Variants in SIK3 observed in about 807,000 individuals in gnomAD.
SIK3 encodes serine/threonine-protein kinase SIK3.
SIK3 carries 28 observed loss-of-function variants against 144.2 expected under a neutral mutation model. That is an observed-to-expected ratio of 0.19 (90% CI 0.14 to 0.27). The LOEUF is 0.27. SIK3 is among the 10% of genes least tolerant of loss of function. The pLI is 1.00. For synonymous variants in SIK3, 686 were observed against 676.3 expected (o/e 1.01, Z -0.22); for missense variants, 1,319 against 1,776.0 (o/e 0.74, Z 4.62).
chr11:116,862,121 G>T, intron 17 of SIK3, 81 bp downstream of exon 17: 2 of 1,592,912 alleles, frequency 1.3e-6, no homozygotes, highest in Non-Finnish European at 1.7e-6. Flanking sequence ...TGCACTGAGT[G>T]GTCTCCTCCA....
chr11:117,070,952 C>T (rs1954250702), intron 1 of SIK3, among the ~76,000 whole-genome samples: 1 of 151,892 alleles, frequency 6.6e-6, no homozygotes, highest in Admixed American at 6.6e-5. Context: ...CGGGGTTTCA[C>T]CATGTTGGCC....
chr11:116,875,047 A>T, intron 11 of SIK3, 111 bp downstream of exon 11: 1 of 780,536 alleles, frequency 1.3e-6, no homozygotes, highest in South Asian at 1.6e-5. Context: ...CCACTGGATT[A>T]GATCTCCTCT....
intron 1 of SIK3, among the ~76,000 whole-genome samples, chr11:116,971,096 T>C (rs1304205230): frequency 6.6e-6 from 1 of 152,262 alleles, no homozygotes; most frequent in South Asian, 2.1e-4. Flanking sequence ...CACCACTGTT[T>C]GCCCAGAAAA....
chr11:116,957,326 T>C (rs532332799), intron 1 of SIK3, among the ~76,000 whole-genome samples: 1 of 152,288 alleles, frequency 6.6e-6, no homozygotes, highest in African/African-American at 2.4e-5. Context: ...TAAAATCCTA[T>C]GAAAAAATAC....
chr11:116,988,134 T>C (rs1013678482), intron 1 of SIK3, among the ~76,000 whole-genome samples: 1 of 152,220 alleles, frequency 6.6e-6, no homozygotes, highest in Admixed American at 6.5e-5. Context: ...CAGTAACGCC[T>C]GTAATCTCAG....
intron 3 of SIK3, among the ~76,000 whole-genome samples, chr11:116,939,437 A>G (rs995934958): frequency 1.3e-5 from 2 of 152,212 alleles, no homozygotes; most frequent in Non-Finnish European, 2.9e-5. Context: ...TGAGCCACCA[A>G]GCCCGGCCTT....
At chr11:116,991,223 G>A (rs1002947836) in intron 1 of SIK3, among the ~76,000 whole-genome samples, 27 of 152,246 alleles carry the variant, frequency 1.8e-4, no homozygotes, top group African/African-American at 6.0e-4. Context: ...CAAGGTGGGC[G>A]GATCCAAGGT....
At chr11:117,010,469 C>T (rs1951209367) in intron 1 of SIK3, among the ~76,000 whole-genome samples, 1 of 152,014 alleles carries the variant, frequency 6.6e-6, no homozygotes, top group South Asian at 2.1e-4. Flanking sequence ...CAGTACAAGG[C>T]CTGCTGAGGG....
At chr11:116,989,240 T>C (rs1486132079) in intron 1 of SIK3, among the ~76,000 whole-genome samples, 1 of 152,198 alleles carries the variant, frequency 6.6e-6, no homozygotes, top group African/African-American at 2.4e-5. Context: ...AGATGATATG[T>C]GTTTCCAAGC....
At chr11:117,050,682 C>T (rs1280935493) in intron 1 of SIK3, among the ~76,000 whole-genome samples, 1 of 151,424 alleles carries the variant, frequency 6.6e-6, no homozygotes, top group African/African-American at 2.4e-5. Context: ...AGTGAGACTT[C>T]ATCTCAAAAA....
intron 5 of SIK3, 108 bp downstream of exon 5, chr11:116,897,085 C>T: frequency 8.6e-7 from 1 of 1,156,372 alleles, no homozygotes; most frequent in Non-Finnish European, 1.2e-6. Context: ...AACAGGTGAC[C>T]AGGATCTCAA....
chr11:116,915,765 C>T (rs1006025215), intron 4 of SIK3, among the ~76,000 whole-genome samples: 3 of 152,130 alleles, frequency 2.0e-5, no homozygotes, highest in African/African-American at 7.2e-5. Flanking sequence ...TGAGGCATTA[C>T]AGAATTATCA....
At chr11:117,058,776 G>A (rs1013664850) in intron 1 of SIK3, among the ~76,000 whole-genome samples, 3 of 152,120 alleles carry the variant, frequency 2.0e-5, no homozygotes, top group Admixed American at 6.6e-5. Context: ...GCACAGATGA[G>A]GCTAAAACCC....
At chr11:117,087,885 A>C (rs574615407) in intron 1 of SIK3, among the ~76,000 whole-genome samples, 1 of 151,834 alleles carries the variant, frequency 6.6e-6, no homozygotes, top group African/African-American at 2.4e-5. Flanking sequence ...AAAAACTAGA[A>C]ATAAAATTAT....
Position 116,931,553 on chromosome 11 carries a change from C to T in SIK3, c.455-4173G>A, listed in dbSNP as rs183812880. On this transcript the variant is annotated intron_variant, in intron 3 of 24. Coordinates refer to ENST00000445177, the MANE Select transcript of SIK3 (RefSeq NM_001366686.3). ...CTAGCTGAAAATGAACATACCCTGACAGCAGGACAAGCAATAGGCAGAAAT... is the reference window on the plus strand; with the variant it reads ...CTAGCTGAAAATGAACATACCCTGATAGCAGGACAAGCAATAGGCAGAAAT... Among the ~76,000 whole-genome samples the T allele has an allele frequency of 3.6e-3, 541 of 152,292 alleles. 7 individuals are homozygous for T. The highest frequency in any genetic ancestry group is 0.033 in the Admixed American group (503 of 15,298).
At chr11:117,092,197 C>T (rs1955279760) in intron 1 of SIK3, among the ~76,000 whole-genome samples, 1 of 152,156 alleles carries the variant, frequency 6.6e-6, no homozygotes, top group African/African-American at 2.4e-5. Flanking sequence ...GATGATCTGG[C>T]CCCTCCTACA....
intron 22 of SIK3, 151 bp downstream of exon 22, chr11:116,848,969 G>T: frequency 2.2e-6 from 2 of 917,942 alleles, no homozygotes; most frequent in African/African-American, 3.4e-5. Context: ...TCTCAAAAAA[G>T]AAAAAAAAAG....
At chr11:117,001,517 A>T (rs1343981789) in intron 1 of SIK3, among the ~76,000 whole-genome samples, 3 of 151,268 alleles carry the variant, frequency 2.0e-5, no homozygotes, top group East Asian at 1.9e-4. Context: ...AAAAAAAAAA[A>T]TTTAAAATAA....
chr11:117,058,289 A>C (rs1024719406), intron 1 of SIK3, among the ~76,000 whole-genome samples: 10 of 152,198 alleles, frequency 6.6e-5, no homozygotes, highest in Admixed American at 3.9e-4. Flanking sequence ...TGGCAGGCTG[A>C]GGCAGGCAGA....
Sources: allele counts gnomAD v4.1 joint callset (sites outside exome capture counted in the v4.1 genomes callset), GRCh38; gene constraint gnomAD v4.1.1; transcripts MANE v1.5; gene names NCBI Gene and HGNC (gene_info 2026-07-23, HGNC 2026-07-21).